RFX6: variants seen among roughly 807,000 people sequenced by gnomAD.
RFX6 encodes DNA-binding protein RFX6.
A neutral mutation model predicts 110.8 loss-of-function variants in RFX6; 50 were observed. That is an observed-to-expected ratio of 0.45 (90% CI 0.36 to 0.57). RFX6 has a LOEUF of 0.57. RFX6 is among the 20% of genes least tolerant of loss of function. The pLI is 0.00. For missense variants in RFX6, 990 were observed against 1,127.0 expected (o/e 0.88, Z 1.74); for synonymous variants, 383 against 411.2 (o/e 0.93, Z 0.83).
At chr6:116,894,917 A>G (rs1160909431) in intron 5 of RFX6, among the ~76,000 whole-genome samples, 1 of 152,084 alleles carries the variant, frequency 6.6e-6, no homozygotes, top group Non-Finnish European at 1.5e-5. Flanking sequence ...AACACACACA[A>G]ATGTTTAATA....
chr6:116,899,482 G>T (rs1393364193), intron 6 of RFX6, among the ~76,000 whole-genome samples: 1 of 152,136 alleles, frequency 6.6e-6, no homozygotes, highest in Non-Finnish European at 1.5e-5. Context: ...CAAATCTGCA[G>T]CAGAGTTTAG....
At position 116,927,267 on chromosome 6, in the gene RFX6, C is replaced by A. The variant is rs1472191388; in HGVS notation, c.2126C>A (p.Ala709Glu). Residue 709 changes from alanine to glutamate, a missense_variant, in exon 17 of 19, where the codon GCA (alanine) becomes GAA (glutamate). Ala to Glu is a moderately radical substitution (Grantham distance 107). Around this residue, in one of 5 missense-constraint regions of RFX6, gnomAD observed 438 missense variants for 441.9 expected, o/e 0.99. Coordinates refer to ENST00000332958, the MANE Select transcript of RFX6 (RefSeq NM_173560.4). Reference sequence around the variant, plus strand: ...TCTAACTACCAGACTGTGTTTAGGGCACAGCCCCACTCCACATCAGGACTC... The same window carrying A: ...TCTAACTACCAGACTGTGTTTAGGGAACAGCCCCACTCCACATCAGGACTC... ...TSSNYQTVFR[A>E]QPHSTSGLYP... 1 of 1,614,204 alleles carries A rather than the reference C, an allele frequency of 6.2e-7. No homozygotes were observed. Among genetic ancestry groups the A allele is most frequent in the Non-Finnish European group, 8.5e-7 (1 of 1,180,036 alleles).
chr6:116,923,422 G>A, intron 14 of RFX6, 198 bp downstream of exon 14: 1 of 576,262 alleles, frequency 1.7e-6, no homozygotes, highest in Non-Finnish European at 3.1e-6. Flanking sequence ...AACAATGATT[G>A]TCTCTGGCTA....
intron 18 of RFX6, among the ~76,000 whole-genome samples, chr6:116,929,267 C>T (rs566313508): frequency 5.3e-5 from 8 of 152,064 alleles, no homozygotes; most frequent in Non-Finnish European, 1.0e-4. Flanking sequence ...CTGTCAAATG[C>T]AGTCTAAAAC....
intron 6 of RFX6, among the ~76,000 whole-genome samples, chr6:116,910,097 G>T (rs1444088140): frequency 1.3e-5 from 2 of 152,084 alleles, no homozygotes; most frequent in African/African-American, 4.8e-5. Flanking sequence ...TTTTGTCCTT[G>T]CCAGGGACAC....
intron 7 of RFX6, among the ~76,000 whole-genome samples, chr6:116,913,483 C>T (rs867929562): frequency 6.6e-6 from 1 of 152,306 alleles, no homozygotes; most frequent in Middle Eastern, 3.4e-3. Flanking sequence ...TTGTCTCCCC[C>T]ACCACGTGCT....
chr6:116,878,605 T>G (rs369508904), intron 2 of RFX6, among the ~76,000 whole-genome samples: 3 of 152,108 alleles, frequency 2.0e-5, no homozygotes. Context: ...TTTTGTAATA[T>G]CTATCTAAAA....
At chr6:116,886,783 G>C (rs964867612) in intron 4 of RFX6, among the ~76,000 whole-genome samples, 1 of 151,928 alleles carries the variant, frequency 6.6e-6, no homozygotes, top group African/African-American at 2.4e-5. Flanking sequence ...AAAAAAAATA[G>C]GCTGGATGTG....
rs1775768249 is a variant in RFX6, at chr6:116,927,387, A to G, written c.2246A>G (p.Tyr749Cys). The change falls in exon 17 of 19, where the codon TAT becomes TGT. Residue 749 changes from tyrosine to cysteine, a missense_variant. Coordinates refer to ENST00000332958, the MANE Select transcript of RFX6 (RefSeq NM_173560.4). ...FFSGSCAGSPYNSRPPSSYGP... is the reference protein window; with the variant it reads ...FFSGSCAGSPCNSRPPSSYGP... ...AGTGGCAGCTGTGCGGGGTCTCCATATAACTCCCGGCCACCGTCTAGCTAT... is the reference window on the plus strand; with the variant it reads ...AGTGGCAGCTGTGCGGGGTCTCCATGTAACTCCCGGCCACCGTCTAGCTAT... The G allele has an allele frequency of 3.7e-6, 6 of 1,614,080 alleles. No individual in the cohort carries two copies. The highest frequency in any genetic ancestry group is 5.1e-6 in the Non-Finnish European group (6 of 1,179,968).
At chr6:116,908,425 C>T (rs1035811560) in intron 6 of RFX6, among the ~76,000 whole-genome samples, 5 of 152,038 alleles carry the variant, frequency 3.3e-5, no homozygotes, top group African/African-American at 9.7e-5. Flanking sequence ...AAATCAATTA[C>T]ATCAGTAGCA....
At chr6:116,895,661 C>CACAT (rs1481641902) in intron 6 of RFX6, among the ~76,000 whole-genome samples, 2 of 151,862 alleles carry the variant, frequency 1.3e-5, no homozygotes, top group Non-Finnish European at 2.9e-5. Context: ...CACACACACA[C>CACAT]ACACACACAC....
chr6:116,904,648 C>G (rs1002479320), intron 6 of RFX6, among the ~76,000 whole-genome samples: 1 of 152,122 alleles, frequency 6.6e-6, no homozygotes, highest in Admixed American at 6.5e-5. Flanking sequence ...CTGAAACTCT[C>G]TACTCATTGA....
At chr6:116,900,024 G>A (rs147972416) in intron 6 of RFX6, among the ~76,000 whole-genome samples, 15 of 152,200 alleles carry the variant, frequency 9.9e-5, no homozygotes, top group African/African-American at 2.4e-4. Flanking sequence ...GCTAATAAAC[G>A]CATGAAGAAA....
At chr6:116,913,424 G>A (rs559934111) in intron 7 of RFX6, among the ~76,000 whole-genome samples, 63 of 152,286 alleles carry the variant, frequency 4.1e-4, no homozygotes, top group Non-Finnish European at 8.5e-4. Flanking sequence ...ACCCCAGTGA[G>A]GGTACTGAGA....
Position 116,928,842 on chromosome 6 carries a change from A to T in RFX6, c.2482A>T (p.Ile828Phe). 1 of 1,613,954 alleles carries T rather than the reference A, an allele frequency of 6.2e-7. No individual in the cohort carries two copies. Among genetic ancestry groups the T allele is most frequent in the Non-Finnish European group, 8.5e-7 (1 of 1,179,812 alleles). The change falls in exon 18 of 19, where the codon ATT (isoleucine) becomes TTT (phenylalanine). Residue 828 changes from isoleucine (I) to phenylalanine (F), a missense_variant. Physicochemically the swap from Ile to Phe is conservative, Grantham distance 21. Transcript: ENST00000332958. Reference sequence around the variant, plus strand: ...TCAGCACGTTTCTGTCATCAGCAGCATTCGTTCACTGCCCCCCTACAGTGA... The same window carrying T: ...TCAGCACGTTTCTGTCATCAGCAGCTTTCGTTCACTGCCCCCCTACAGTGA... The part of the protein sequence containing the change: ...VNQHVSVISS[I>F]RSLPPYSDIH...
chr6:116,925,355 C>T, intron 15 of RFX6, 98 bp from the exon 16 acceptor site: 1 of 1,048,362 alleles, frequency 9.5e-7, no homozygotes, highest in Non-Finnish European at 1.5e-6. Flanking sequence ...AGATTAAATA[C>T]TCAACAATGA....
At chr6:116,914,707 G>A (rs961428600) in intron 7 of RFX6, among the ~76,000 whole-genome samples, 6 of 152,020 alleles carry the variant, frequency 3.9e-5, no homozygotes, top group Non-Finnish European at 8.8e-5. Flanking sequence ...ATTGGGTTGT[G>A]GGAATAAAGG....
intron 18 of RFX6, among the ~76,000 whole-genome samples, chr6:116,930,306 A>G (rs746537905): frequency 4.6e-5 from 7 of 152,154 alleles, no homozygotes; most frequent in African/African-American, 1.2e-4. Context: ...CATGTCAGCA[A>G]TAAGAAGGCA....
chr6:116,927,918 T>C (rs1009779537), intron 17 of RFX6, among the ~76,000 whole-genome samples: 1 of 151,700 alleles, frequency 6.6e-6, no homozygotes, highest in African/African-American at 2.4e-5. Flanking sequence ...ATATTTTAAA[T>C]TTTTTCTAGA....
Sources: gnomAD v4.1 joint callset for allele counts (sites outside exome capture counted in the v4.1 genomes callset) on GRCh38, gnomAD v4.1.1 for gene constraint, gnomAD v4.1.1 regional missense constraint, MANE v1.5 for transcripts, NCBI Gene and HGNC (gene_info 2026-07-23, HGNC 2026-07-21) for gene names.